The following PRIM2 variants were observed in gnomAD, a reference collection of about 807,000 sequenced individuals.
PRIM2 encodes the protein DNA primase large subunit.
A neutral mutation model predicts 67.3 loss-of-function variants in PRIM2; 39 were observed. That is an observed-to-expected ratio of 0.58 (90% CI 0.45 to 0.76). The LOEUF is 0.76. PRIM2 is among the 30% of genes least tolerant of loss of function. PRIM2 has a pLI of 0.00. For synonymous variants in PRIM2, 143 were observed against 198.7 expected, an observed-to-expected ratio of 0.72 and a Z score of 2.36; for missense variants, 398 against 598.7, an observed-to-expected ratio of 0.66 and a Z score of 3.50.
the PRIM2 span, among the ~76,000 whole-genome samples, chr6:57,236,039 A>C: frequency 6.6e-6 from 1 of 152,200 alleles, no homozygotes; most frequent in Admixed American, 6.5e-5. Context: ...ATGAAAAAGT[A>C]ATTAATTTGT....
At chr6:57,416,031 T>C (rs1431248305) in intron 7 of PRIM2, among the ~76,000 whole-genome samples, 2 of 152,226 alleles carry the variant, frequency 1.3e-5, no homozygotes, top group African/African-American at 4.8e-5. Context: ...GAATCACAAA[T>C]GTTCTTAATG....
chr6:57,625,987 T>C (rs1307220860), intron 12 of PRIM2, among the ~76,000 whole-genome samples: 1 of 152,176 alleles, frequency 6.6e-6, no homozygotes, highest in Non-Finnish European at 1.5e-5. Flanking sequence ...AGGTTAGAAA[T>C]GGAGTGGAAA....
chr6:57,343,677 A>T (rs1768574555), intron 5 of PRIM2, among the ~76,000 whole-genome samples: 1 of 152,096 alleles, frequency 6.6e-6, no homozygotes, highest in Admixed American at 6.6e-5. Context: ...TAAAACACAC[A>T]CTCTCAAACA....
At chr6:57,562,381 A>G (rs1775650728) in intron 10 of PRIM2, among the ~76,000 whole-genome samples, 3 of 152,214 alleles carry the variant, frequency 2.0e-5, no homozygotes. Context: ...GCACAATAAG[A>G]TGAGGAATGT....
chr6:57,340,278 C>A (rs1768425187), intron 5 of PRIM2, among the ~76,000 whole-genome samples: 1 of 152,192 alleles, frequency 6.6e-6, no homozygotes, highest in Non-Finnish European at 1.5e-5. Flanking sequence ...CTAGTTCAAC[C>A]ATTGTGGAAG....
chr6:57,385,038 A>G (rs909081980), intron 7 of PRIM2, among the ~76,000 whole-genome samples: 1 of 152,234 alleles, frequency 6.6e-6, no homozygotes, highest in African/African-American at 2.4e-5. Context: ...AGATAAGTCA[A>G]GATATTCTAT....
At chr6:57,338,437 A>G (rs1768348513) in intron 5 of PRIM2, among the ~76,000 whole-genome samples, 1 of 151,678 alleles carries the variant, frequency 6.6e-6, no homozygotes, top group African/African-American at 2.4e-5. Context: ...ATCCTTGATG[A>G]ACATTGATGC....
chr6:57,553,778 G>A (rs1775452526), intron 10 of PRIM2, among the ~76,000 whole-genome samples: 1 of 152,130 alleles, frequency 6.6e-6, no homozygotes, highest in African/African-American at 2.4e-5. Flanking sequence ...TAGTACTTAA[G>A]GCTACTTTTT....
intron 12 of PRIM2, among the ~76,000 whole-genome samples, chr6:57,606,677 T>C (rs1440542661): frequency 6.6e-6 from 1 of 152,242 alleles, no homozygotes; most frequent in Non-Finnish European, 1.5e-5. Flanking sequence ...TTATTTTTCC[T>C]AGTCATAAAG....
At chr6:57,357,737 A>G (rs1170836155) in intron 5 of PRIM2, among the ~76,000 whole-genome samples, 7 of 152,032 alleles carry the variant, frequency 4.6e-5, no homozygotes, top group Admixed American at 2.0e-4. Flanking sequence ...CTAGGATTAC[A>G]GGTGCCTGCC....
chr6:57,456,207 C>T (rs1236093712), intron 7 of PRIM2, among the ~76,000 whole-genome samples: 2 of 152,156 alleles, frequency 1.3e-5, no homozygotes, highest in Non-Finnish European at 2.9e-5. Context: ...TTCTCTCTGG[C>T]TGCCCTTAAC....
chr6:57,528,130 ATTT>A, intron 8 of PRIM2, among the ~76,000 whole-genome samples: 1 of 142,340 alleles, frequency 7.0e-6, no homozygotes, highest in African/African-American at 2.6e-5. Flanking sequence ...CACCCAGCTA[ATTT>A]TTTTTTTTTT....
chr6:57,478,037 G>A (rs1226912821), intron 7 of PRIM2, among the ~76,000 whole-genome samples: 2 of 152,210 alleles, frequency 1.3e-5, no homozygotes, highest in East Asian at 1.9e-4. Flanking sequence ...GTCTGATAAC[G>A]TGTATGTTTA....
chr6:57,512,560 A>G (rs1249222909), intron 8 of PRIM2, among the ~76,000 whole-genome samples: 7 of 152,066 alleles, frequency 4.6e-5, no homozygotes, highest in Admixed American at 2.0e-4. Flanking sequence ...ATGGAGCCTC[A>G]TGATGTTCTC....
At chr6:57,316,605 T>G (rs1021614937), upstream of PRIM2, among the ~76,000 whole-genome samples, 2 of 152,258 alleles carry the variant, frequency 1.3e-5, no homozygotes, top group East Asian at 3.8e-4. Context: ...CGTGAACATT[T>G]CAAAGCATTC....
intron 13 of PRIM2, among the ~76,000 whole-genome samples, chr6:57,638,445 C>G (rs1389451073): frequency 6.6e-6 from 1 of 152,022 alleles, no homozygotes; most frequent in Non-Finnish European, 1.5e-5. Flanking sequence ...AGTTAAAAGA[C>G]ATAGACTGGC....
At chr6:57,468,080 G>A (rs1773247514) in intron 7 of PRIM2, among the ~76,000 whole-genome samples, 1 of 152,122 alleles carries the variant, frequency 6.6e-6, no homozygotes, top group South Asian at 2.1e-4. Flanking sequence ...GCAAACAGAG[G>A]CAATTTGACT....
Position 57,457,182 on chromosome 6 carries a change from G to C in PRIM2, c.694-50205G>C, listed in dbSNP as rs1409121456. Among the ~76,000 whole-genome samples the C allele has an allele frequency of 2.0e-5, 3 of 152,222 alleles. No individual in the cohort carries two copies. In the East Asian group the frequency reaches 5.8e-4, roughly 29 times the overall value. ...TCAGAGGAGTAGCTGGCTGTGTGAGGTGTCAGTCTGCCCCTACTGGGAGGT... is the reference window on the plus strand; with the variant it reads ...TCAGAGGAGTAGCTGGCTGTGTGAGCTGTCAGTCTGCCCCTACTGGGAGGT... On this transcript the variant is annotated intron_variant, in intron 7 of 13. Coordinates refer to ENST00000615550, the MANE Select transcript of PRIM2 (RefSeq NM_000947.5).
the PRIM2 span, among the ~76,000 whole-genome samples, chr6:57,233,108 G>A: frequency 1.3e-5 from 2 of 152,114 alleles, no homozygotes; most frequent in Admixed American, 1.3e-4. Flanking sequence ...GTTGGAGTTT[G>A]GTCATAGCCT....
Sources: gnomAD v4.1 joint callset for allele counts (sites outside exome capture counted in the v4.1 genomes callset) on GRCh38, gnomAD v4.1.1 for gene constraint, MANE v1.5 for transcripts, NCBI Gene and HGNC (gene_info 2026-07-23, HGNC 2026-07-21) for gene names.